Variants in RAB23 observed in about 807,000 individuals in gnomAD.
The protein encoded by RAB23 is ras-related protein Rab-23.
Under a neutral mutation model 30.0 loss-of-function variants are expected in RAB23, and 15 were observed. The ratio of observed to expected loss-of-function variants is 0.50; its 90% CI spans 0.33 to 0.77. The LOEUF is 0.77. Ranked by LOEUF, RAB23 falls within the 30% of genes least tolerant of loss-of-function variation. RAB23 has a pLI of 0.02. For missense variants in RAB23, 243 were observed against 275.4 expected (o/e 0.88, Z 0.83); for synonymous variants, 93 against 94.0 (o/e 0.99, Z 0.06).
At position 57,187,610 on chromosome 6, in the gene RAB23, T is replaced by TAA. The variant is rs914437718; in HGVS notation, c.*2849_*2850dup. On this transcript the variant is annotated 3_prime_UTR_variant, in exon 7 of 7. Coordinates refer to ENST00000468148, the MANE Select transcript of RAB23 (RefSeq NM_016277.5). ...ATTTCAAAGGTTTTGAAAAGTATGCTAATAATTAACAATATCTTATATTAA... is the reference window on the plus strand; with the variant it reads ...ATTTCAAAGGTTTTGAAAAGTATGCTAAAATAATTAACAATATCTTATATTAA... 6.6e-6 allele frequency: 1 copy of TAA among 152,220 alleles called. No individual in the cohort carries two copies. Among genetic ancestry groups the TAA allele is most frequent in the Non-Finnish European group, 1.5e-5 (1 of 68,018 alleles). 9.4% of individuals were successfully genotyped at this position (152,220 alleles called of 1,614,324 possible).
rs543779494 is a variant in RAB23 at position 57,202,674 on chromosome 6, C to T, written c.241+4954G>A. Among the ~76,000 whole-genome samples the T allele has an allele frequency of 2.0e-5, 3 of 152,268 alleles. No individual in the cohort carries two copies. In the South Asian group the frequency reaches 6.2e-4, roughly 32 times the overall value. Reference sequence around the variant, plus strand: ...GCTGAACAAACAACTAAAAGGGATGCTATTTCCAGACTTTTCTATCAAATC... The same window carrying T: ...GCTGAACAAACAACTAAAAGGGATGTTATTTCCAGACTTTTCTATCAAATC... On this transcript the variant is annotated intron_variant, in intron 3 of 6. Coordinates refer to ENST00000468148, the MANE Select transcript of RAB23 (RefSeq NM_016277.5).
At chr6:57,210,083 G>GA (rs1765596837) in intron 2 of RAB23, 143 bp downstream of exon 2, 4 of 820,574 alleles carry the variant, frequency 4.9e-6, no homozygotes, top group Non-Finnish European at 7.9e-6. Context: ...CATATGTCAT[G>GA]AAAACCACCA....
intron 3 of RAB23, among the ~76,000 whole-genome samples, chr6:57,200,380 T>C (rs1343045005): frequency 2.0e-5 from 3 of 151,006 alleles, no homozygotes; most frequent in Non-Finnish European, 4.4e-5. Flanking sequence ...CTACTAAAAA[T>C]ACAAAAATTA....
intron 3 of RAB23, among the ~76,000 whole-genome samples, chr6:57,201,482 G>A (rs936087816): frequency 3.3e-5 from 5 of 152,144 alleles, no homozygotes; most frequent in African/African-American, 1.2e-4. Context: ...ATGAACCTCT[G>A]CTGATGAATC....
chr6:57,190,134 C>A lies in RAB23; in HGVS notation c.*327G>T. The A allele has an allele frequency of 3.5e-6, 1 of 287,574 alleles. No individual in the cohort carries two copies. Among genetic ancestry groups the A allele is most frequent in the Non-Finnish European group, 6.7e-6 (1 of 150,080 alleles). The allele number at this position is 287,574 out of a possible 1,614,324, so 17.8% of individuals were successfully genotyped here. A position where few individuals can be genotyped will look rare whatever the true frequency, so the allele number is the denominator to read the frequency against. On this transcript the variant is annotated 3_prime_UTR_variant, in exon 7 of 7. Coordinates refer to ENST00000468148, the MANE Select transcript of RAB23 (RefSeq NM_016277.5). ...TGATCCACAGTATTAAAATCTGTAA[C>A]AATATATTTAGGCATTTCATTTATG...
At chr6:57,206,677 C>T (rs760127125) in intron 3 of RAB23, among the ~76,000 whole-genome samples, 19 of 152,146 alleles carry the variant, frequency 1.2e-4, no homozygotes, top group Admixed American at 6.5e-5. Flanking sequence ...AAGACAACCT[C>T]TGCCGAACAG....
At position 57,194,871 on chromosome 6, in the gene RAB23, A is replaced by G; in HGVS notation, c.399-19T>C. ...TTCCTCACTGCACATCAATTTAAAA[A>G]AAAATGCTTTACAAAGGTGCCTTCT... On this transcript the variant is annotated intron_variant, in intron 4 of 6. Transcript: ENST00000468148. The G allele has an allele frequency of 6.2e-7, 1 of 1,602,418 alleles. No homozygotes were observed. The highest frequency in any genetic ancestry group is 1.1e-5 in the South Asian group (1 of 90,686).
At chr6:57,216,686 T>C (rs971483828) in intron 1 of RAB23, among the ~76,000 whole-genome samples, 1 of 151,856 alleles carries the variant, frequency 6.6e-6, no homozygotes, top group African/African-American at 2.4e-5. Flanking sequence ...TGAGGGCTGG[T>C]GGTTGGTTAT....
intron 2 of RAB23, among the ~76,000 whole-genome samples, chr6:57,208,958 C>T (rs1054709203): frequency 3.9e-5 from 6 of 152,130 alleles, no homozygotes; most frequent in Non-Finnish European, 7.3e-5. Flanking sequence ...CACTATAACT[C>T]GTGCCTGAAC....
rs753247666 is a variant in RAB23 at position 57,194,826 on chromosome 6, C to G, written c.425G>C (p.Arg142Thr). The change falls in exon 5 of 7, where the codon AGG (arginine) becomes ACG (threonine). Residue 142 changes from arginine to threonine, a missense_variant. Coordinates refer to ENST00000468148, the MANE Select transcript of RAB23 (RefSeq NM_016277.5). ...KNEEAEALAK[R>T]LKLRFYRTSV... ...TGTTCTGTAGAATCTTAACTTTAAC[C>G]TTTTTGCCAGTGCCTCAGCTTCCTC... 18 of 1,613,190 alleles carry G rather than the reference C, an allele frequency of 1.1e-5. No homozygotes were observed. In the South Asian group the frequency reaches 1.9e-4, roughly 17 times the overall value.
chr6:57,197,219 GTATATATATA>G (rs150336692), intron 3 of RAB23, among the ~76,000 whole-genome samples: 2 of 150,386 alleles, frequency 1.3e-5, no homozygotes, highest in African/African-American at 2.4e-5. Context: ...AATGCCAAGA[GTATATATATA>G]TATAATAGAG....
rs967881424 is a variant in RAB23, at chr6:57,221,767, C to T, written c.-107G>A. The T allele has an allele frequency of 6.6e-6, 1 of 152,278 alleles. No individual in the cohort carries two copies. The highest frequency in any genetic ancestry group is 2.4e-5 in the African/African-American group (1 of 41,456). The allele number at this position is 152,278 out of a possible 1,614,324, so 9.4% of individuals were successfully genotyped here. ...GGGGCGCCGGGCTGGCGCTGCCGCC[C>T]ACCTTCTCTAGCTGGAACTTGGGAT... is the stretch of plus-strand genomic sequence containing the variant. On this transcript the variant is annotated 5_prime_UTR_variant, in exon 1 of 7. Transcript: ENST00000468148.
At chr6:57,192,162 T>C (rs540197972) in intron 6 of RAB23, among the ~76,000 whole-genome samples, 1 of 152,334 alleles carries the variant, frequency 6.6e-6, no homozygotes, top group Non-Finnish European at 1.5e-5. Flanking sequence ...GATTCTGTGT[T>C]AATACTAGTA....
At position 57,189,377 on chromosome 6, in the gene RAB23, A is replaced by C. The variant is rs1764744014; in HGVS notation, c.*1084T>G. On this transcript the variant is annotated 3_prime_UTR_variant, in exon 7 of 7. Coordinates refer to ENST00000468148, the MANE Select transcript of RAB23 (RefSeq NM_016277.5). Reference sequence around the variant, plus strand: ...GTAATTTTAGTTAAGACTAATAATAATATTTTTGTGCACTTTAAAAATGGT... The same window carrying C: ...GTAATTTTAGTTAAGACTAATAATACTATTTTTGTGCACTTTAAAAATGGT... 6.6e-6 allele frequency: 1 copy of C among 152,252 alleles called. No homozygotes were observed. Among genetic ancestry groups the C allele is most frequent in the African/African-American group, 2.4e-5 (1 of 41,464 alleles). 9.4% of individuals were successfully genotyped at this position (152,252 alleles called of 1,614,324 possible).
At chr6:57,191,545 A>T (rs917397408) in intron 6 of RAB23, among the ~76,000 whole-genome samples, 1 of 149,814 alleles carries the variant, frequency 6.7e-6, no homozygotes, top group African/African-American at 2.5e-5. Flanking sequence ...CGCCTCTTGG[A>T]GTCAATTGAT....
chr6:57,210,543 T>C (rs1379914484), intron 1 of RAB23, 98 bp from the exon 2 acceptor site: 2 of 784,944 alleles, frequency 2.5e-6, no homozygotes, highest in East Asian at 5.3e-5. Context: ...TGCAAGGATG[T>C]GTTTTCATAA....
At chr6:57,212,693 GCA>G (rs1401684102) in intron 1 of RAB23, among the ~76,000 whole-genome samples, 2 of 149,282 alleles carry the variant, frequency 1.3e-5, no homozygotes, top group Non-Finnish European at 3.0e-5. Flanking sequence ...ACCAGCCTGG[GCA>G]CCATGTGAGT....
chr6:57,192,483 A>C (rs2127997157), intron 6 of RAB23, among the ~76,000 whole-genome samples: 1 of 152,380 alleles, frequency 6.6e-6, no homozygotes, highest in South Asian at 2.1e-4. Context: ...ACAAAATCTT[A>C]CAGAAGTTTC....
In RAB23 at chr6:57,189,219, G is replaced by T. The variant is rs918895783; in HGVS notation, c.*1242C>A. 1 of 152,084 alleles carries T rather than the reference G, an allele frequency of 6.6e-6. No individual in the cohort carries two copies. The highest frequency in any genetic ancestry group is 1.5e-5 in the Non-Finnish European group (1 of 68,006). The allele number at this position is 152,084 out of a possible 1,614,324, so 9.4% of individuals were successfully genotyped here. ...TGTAAAAGAAATGATTCTGTATGTGGGACTGACAGCTCTTGAGAAAGTGCT... is the reference window on the plus strand; with the variant it reads ...TGTAAAAGAAATGATTCTGTATGTGTGACTGACAGCTCTTGAGAAAGTGCT... On this transcript the variant is annotated 3_prime_UTR_variant, in exon 7 of 7. Coordinates refer to ENST00000468148, the MANE Select transcript of RAB23 (RefSeq NM_016277.5).
Sources: gnomAD v4.1 joint callset for allele counts (sites outside exome capture counted in the v4.1 genomes callset) on GRCh38, gnomAD v4.1.1 for gene constraint, MANE v1.5 for transcripts, NCBI Gene and HGNC (gene_info 2026-07-23, HGNC 2026-07-21) for gene names.